The following NTNG1 variants were observed in gnomAD, a reference collection of about 807,000 sequenced individuals.
The protein encoded by NTNG1 is netrin-G1.
A neutral mutation model predicts 54.0 loss-of-function variants in NTNG1; 16 were observed. That is an observed-to-expected ratio of 0.30 (90% CI 0.20 to 0.45). The LOEUF (loss-of-function observed/expected upper bound fraction) is 0.45, where lower values mean the gene tolerates loss of function less well. Among genes scored for constraint, NTNG1 ranks in the 20% least tolerant of loss-of-function variants. The pLI, the probability that NTNG1 is intolerant of heterozygous loss-of-function variation, is 1.00. For missense variants in NTNG1, 530 were observed against 678.7 expected, an observed-to-expected ratio of 0.78 and a Z score of 2.43; for synonymous variants, 255 against 263.1, an observed-to-expected ratio of 0.97 and a Z score of 0.30.
chr1:107,184,922 T>G (rs1387723190), intron 2 of NTNG1, among the ~76,000 whole-genome samples: 1 of 152,158 alleles, frequency 6.6e-6, no homozygotes, highest in East Asian at 1.9e-4. Context: ...TTCTAGAGTT[T>G]CCACTGGGAG....
intron 2 of NTNG1, among the ~76,000 whole-genome samples, chr1:107,267,795 C>A (rs1475388201): frequency 1.3e-5 from 2 of 152,224 alleles, no homozygotes; most frequent in African/African-American, 4.8e-5. Flanking sequence ...TCCAGTAGGT[C>A]TTTATCATAA....
At chr1:107,346,922 T>C (rs908764902) in intron 3 of NTNG1, among the ~76,000 whole-genome samples, 1 of 151,428 alleles carries the variant, frequency 6.6e-6, no homozygotes, top group Non-Finnish European at 1.5e-5. Flanking sequence ...AAAAATCCTT[T>C]TTGTGGGGAC....
chr1:107,430,095 C>T (rs1675161016), intron 5 of NTNG1, among the ~76,000 whole-genome samples: 1 of 152,168 alleles, frequency 6.6e-6, no homozygotes. Flanking sequence ...CACAAATTAT[C>T]TCCCTGCTTT....
At chr1:107,214,833 A>C (rs977917197) in intron 2 of NTNG1, among the ~76,000 whole-genome samples, 6 of 149,980 alleles carry the variant, frequency 4.0e-5, no homozygotes, top group African/African-American at 1.5e-4. Flanking sequence ...TTCTTGCAGG[A>C]GTGAGGTGGT....
chr1:107,191,218 A>G (rs1355942448), intron 2 of NTNG1, among the ~76,000 whole-genome samples: 6 of 152,146 alleles, frequency 3.9e-5, no homozygotes, highest in Non-Finnish European at 8.8e-5. Flanking sequence ...GGCTGCATAA[A>G]TGTCTTCTTT....
intron 3 of NTNG1, among the ~76,000 whole-genome samples, chr1:107,331,161 G>C (rs1668255826): frequency 6.6e-6 from 1 of 151,944 alleles, no homozygotes; most frequent in Non-Finnish European, 1.5e-5. Context: ...GTAAAATCAG[G>C]TTTTTCACGG....
intron 2 of NTNG1, among the ~76,000 whole-genome samples, chr1:107,232,107 T>C (rs1044353117): frequency 5.9e-5 from 9 of 152,156 alleles, no homozygotes; most frequent in African/African-American, 2.2e-4. Flanking sequence ...TAAGTCAAGG[T>C]GAATAGAATG....
At chr1:107,212,685 T>C (rs1659675130) in intron 2 of NTNG1, among the ~76,000 whole-genome samples, 1 of 152,158 alleles carries the variant, frequency 6.6e-6, no homozygotes, top group African/African-American at 2.4e-5. Context: ...CAATCTGCCC[T>C]CCCAAGAACT....
intron 3 of NTNG1, among the ~76,000 whole-genome samples, chr1:107,325,243 T>C (rs1570682012): frequency 6.6e-6 from 1 of 152,128 alleles, no homozygotes; most frequent in Non-Finnish European, 1.5e-5. Flanking sequence ...CCATTTGCCC[T>C]ATAACGAACT....
At chr1:107,270,261 T>A (rs1664053840) in intron 2 of NTNG1, among the ~76,000 whole-genome samples, 1 of 152,242 alleles carries the variant, frequency 6.6e-6, no homozygotes, top group Non-Finnish European at 1.5e-5. Flanking sequence ...GTGAAAACTG[T>A]TTTATTATTT....
At chr1:107,337,405 G>C (rs1245469508) in intron 3 of NTNG1, among the ~76,000 whole-genome samples, 1 of 151,990 alleles carries the variant, frequency 6.6e-6, no homozygotes, top group Non-Finnish European at 1.5e-5. Context: ...GAGTGTCCTA[G>C]AGTAAGCAAA....
intron 7 of NTNG1, among the ~76,000 whole-genome samples, chr1:107,465,771 T>C (rs150996634): frequency 6.6e-6 from 1 of 152,324 alleles, no homozygotes; most frequent in Non-Finnish European, 1.5e-5. Context: ...ATCCTGCCTC[T>C]GCTGCTCAGT....
chr1:107,306,700 G>A (rs1370080649), intron 2 of NTNG1, among the ~76,000 whole-genome samples: 2 of 151,178 alleles, frequency 1.3e-5, no homozygotes, highest in African/African-American at 2.4e-5. Context: ...GCAGTGAGCC[G>A]AGATCACGCC....
intron 7 of NTNG1, among the ~76,000 whole-genome samples, chr1:107,478,655 G>A (rs1158181377): frequency 6.6e-6 from 1 of 152,172 alleles, no homozygotes; most frequent in Non-Finnish European, 1.5e-5. Flanking sequence ...GTGCCCAAAT[G>A]AAAGGAAATA....
At chr1:107,173,927 T>C (rs1656449427) in intron 2 of NTNG1, among the ~76,000 whole-genome samples, 2 of 152,198 alleles carry the variant, frequency 1.3e-5, no homozygotes, top group East Asian at 1.9e-4. Context: ...AGTGTTACAC[T>C]AGTCAACACT....
At chr1:107,444,435 A>G (rs1181708709) in intron 7 of NTNG1, among the ~76,000 whole-genome samples, 3 of 152,084 alleles carry the variant, frequency 2.0e-5, no homozygotes, top group African/African-American at 7.2e-5. Flanking sequence ...TCATATCCTA[A>G]ATACATTCAA....
intron 2 of NTNG1, among the ~76,000 whole-genome samples, chr1:107,190,419 T>C (rs866148636): frequency 6.6e-6 from 1 of 152,128 alleles, no homozygotes; most frequent in Non-Finnish European, 1.5e-5. Context: ...GTACCATCAT[T>C]TTTTTAAAAA....
At chr1:107,300,349 A>C (rs1666245434) in intron 2 of NTNG1, among the ~76,000 whole-genome samples, 1 of 152,144 alleles carries the variant, frequency 6.6e-6, no homozygotes, top group Non-Finnish European at 1.5e-5. Context: ...TCTCTTGAAA[A>C]ATGAGAGAAT....
chr1:107,246,634 T>C (rs1215002190), intron 2 of NTNG1, among the ~76,000 whole-genome samples: 1 of 152,062 alleles, frequency 6.6e-6, no homozygotes, highest in African/African-American at 2.4e-5. Flanking sequence ...TAAAAATGTG[T>C]TTTACCTATG....
Sources: gnomAD v4.1 joint callset for allele counts (sites outside exome capture counted in the v4.1 genomes callset) on GRCh38, gnomAD v4.1.1 for gene constraint, MANE v1.5 for transcripts, NCBI Gene and HGNC (gene_info 2026-07-23, HGNC 2026-07-21) for gene names.